VPS8: variants seen among roughly 807,000 people sequenced by gnomAD.
VPS8 encodes vacuolar protein sorting-associated protein 8 homolog.
Under a neutral mutation model 216.4 loss-of-function variants are expected in VPS8, and 129 were observed. The observed-to-expected ratio is 0.60, with a 90% CI of 0.52 to 0.69. The LOEUF is 0.69. VPS8 is among the 30% of genes least tolerant of loss of function. The pLI is 0.00. For missense variants in VPS8, 1,531 were observed against 1,683.5 expected (o/e 0.91, Z 1.59); for synonymous variants, 571 against 565.4 (o/e 1.01, Z -0.14).
chr3:185,021,831 A>C (rs112483587), intron 45 of VPS8, among the ~76,000 whole-genome samples: 1 of 152,194 alleles, frequency 6.6e-6, no homozygotes, highest in Non-Finnish European at 1.5e-5. Flanking sequence ...CCTATAGTAT[A>C]TATCATCTGT....
intron 25 of VPS8, among the ~76,000 whole-genome samples, chr3:184,912,159 C>G (rs1018921760): frequency 2.6e-5 from 4 of 152,106 alleles, no homozygotes; most frequent in Admixed American, 6.6e-5. Context: ...TCCTCGGGGC[C>G]GAGAGAATTT....
chr3:184,894,776 C>T lies in VPS8; in HGVS notation c.1855C>T (p.Leu619Phe). The change falls in exon 23 of 48, where the codon CTT becomes TTT. Residue 619 changes from leucine (L) to phenylalanine (F), a missense_variant. Coordinates refer to ENST00000625842, the MANE Select transcript of VPS8 (RefSeq NM_001009921.3). The part of the protein sequence containing the change: ...SVAKGVFLEC[L>F]EPYILSDKLV... ...GGCCAAAGGAGTATTTTTGGAGTGC[C>T]TTGAGCCATATATTTTAAGTGATAA... The T allele has an allele frequency of 1.2e-6, 2 of 1,609,716 alleles. No homozygotes were observed. The highest frequency in any genetic ancestry group is 1.1e-5 in the South Asian group (1 of 90,196).
chr3:185,021,211 G>A (rs78910666), intron 45 of VPS8, among the ~76,000 whole-genome samples: 1,983 of 152,282 alleles, frequency 0.013, 22 homozygotes, highest in Middle Eastern at 0.034. Context: ...CCCTAGCTTC[G>A]TATATCATCC....
At chr3:184,959,872 A>G (rs1272414769) in intron 37 of VPS8, among the ~76,000 whole-genome samples, 1 of 151,230 alleles carries the variant, frequency 6.6e-6, no homozygotes, top group Non-Finnish European at 1.5e-5. Flanking sequence ...AAGTTCTAGT[A>G]TACATGTGCA....
intron 36 of VPS8, chr3:184,944,516 A>T (rs897906685): frequency 2.0e-6 from 2 of 985,398 alleles, no homozygotes; most frequent in Non-Finnish European, 1.2e-6. Context: ...TGCAGTGGGG[A>T]TGCTTAAAGG....
chr3:184,860,219 C>T (rs1477081869), intron 15 of VPS8, among the ~76,000 whole-genome samples, 154 bp downstream of exon 15: 1 of 151,886 alleles, frequency 6.6e-6, no homozygotes, highest in Admixed American at 6.6e-5. Context: ...TGCCTGTAGT[C>T]CCAGCTACTT....
At chr3:184,836,940 T>TA (rs1721205162) in intron 5 of VPS8, among the ~76,000 whole-genome samples, 1 of 152,236 alleles carries the variant, frequency 6.6e-6, no homozygotes, top group African/African-American at 2.4e-5. Flanking sequence ...AACTTTTTTT[T>TA]AAGGATCTTT....
intron 25 of VPS8, among the ~76,000 whole-genome samples, chr3:184,904,822 T>A (rs2109012870): frequency 6.6e-6 from 1 of 152,338 alleles, no homozygotes; most frequent in Non-Finnish European, 1.5e-5. Flanking sequence ...TGAAGCCATA[T>A]GGGCCTGGGC....
chr3:184,982,923 A>G lies in VPS8; in HGVS notation c.3503-89A>G, dbSNP rs1750451193. On this transcript the variant is annotated intron_variant, in intron 41 of 47. Coordinates refer to ENST00000625842, the MANE Select transcript of VPS8 (RefSeq NM_001009921.3). ...GTTAGCTAAGTTTCTAAGAAGCTATATAAATGCACTGTTTTTCCACAGACT... is the reference window on the plus strand; with the variant it reads ...GTTAGCTAAGTTTCTAAGAAGCTATGTAAATGCACTGTTTTTCCACAGACT... The G allele has an allele frequency of 8.4e-6, 10 of 1,196,480 alleles. 1 individual carries two copies. The South Asian group carries it at 1.7e-4, about 20-fold the overall frequency. 74.1% of individuals were successfully genotyped at this position (1,196,480 alleles called of 1,614,324 possible).
intron 21 of VPS8, among the ~76,000 whole-genome samples, chr3:184,873,535 A>G (rs962579628): frequency 6.6e-6 from 1 of 152,164 alleles, no homozygotes; most frequent in Non-Finnish European, 1.5e-5. Flanking sequence ...GCCGAGGCAC[A>G]GAGAGGTTAA....
rs1036066347 is a variant in VPS8, at chr3:184,964,485, A to C, written c.3201A>C (p.Gln1067His). ...TTTCCTAGATTACTCAGAAGTATCA[A>C]CTTCATGAAGTCACCGCTTATCTAT... ...EETIQITQKY[Q>H]LHEVTAYLLE... Residue 1067 changes from glutamine to histidine, a missense_variant, in exon 38 of 48, where the codon CAA becomes CAC. Coordinates refer to ENST00000625842, the MANE Select transcript of VPS8 (RefSeq NM_001009921.3). The C allele has an allele frequency of 4.6e-6, 7 of 1,508,964 alleles. No homozygotes were observed. Among genetic ancestry groups the C allele is most frequent in the African/African-American group, 1.4e-5 (1 of 71,980 alleles). 93.5% of individuals were successfully genotyped at this position (1,508,964 alleles called of 1,614,324 possible). A position where few individuals can be genotyped will look rare whatever the true frequency, so the allele number is the denominator to read the frequency against.
intron 42 of VPS8, among the ~76,000 whole-genome samples, chr3:184,987,712 T>C (rs544434842): frequency 6.6e-6 from 1 of 152,206 alleles, no homozygotes; most frequent in African/African-American, 2.4e-5. Context: ...AGGCTTTTTG[T>C]GTGGACTTAA....
intron 36 of VPS8, among the ~76,000 whole-genome samples, chr3:184,952,886 A>G (rs1290898730): frequency 2.6e-5 from 4 of 152,224 alleles, no homozygotes; most frequent in African/African-American, 9.6e-5. Flanking sequence ...ACAGCAGAGG[A>G]GGAGCAAGAG....
At chr3:184,900,001 TAAGAG>T (rs1042248528) in intron 24 of VPS8, among the ~76,000 whole-genome samples, 2 of 152,258 alleles carry the variant, frequency 1.3e-5, no homozygotes, top group African/African-American at 2.4e-5. Context: ...AGGTCTGAAT[TAAGAG>T]AAGGTGTCCT....
intron 46 of VPS8, among the ~76,000 whole-genome samples, chr3:185,039,388 C>A (rs1271018481): frequency 1.3e-5 from 2 of 152,062 alleles, no homozygotes; most frequent in Non-Finnish European, 2.9e-5. Flanking sequence ...CCAGCATCTG[C>A]TTTCGGTGGG....
At chr3:184,983,734 G>A (rs993838073) in intron 42 of VPS8, among the ~76,000 whole-genome samples, 21 of 152,016 alleles carry the variant, frequency 1.4e-4, no homozygotes, top group Non-Finnish European at 2.8e-4. Context: ...AATCCATTTT[G>A]TCTATCCTCA....
chr3:184,891,807 G>A (rs904888623), intron 22 of VPS8, among the ~76,000 whole-genome samples: 1 of 152,066 alleles, frequency 6.6e-6, no homozygotes, highest in African/African-American at 2.4e-5. Context: ...TTTGGTTCTG[G>A]TTATATATTT....
Position 184,832,702 on chromosome 3 carries a change from A to T in VPS8, c.236A>T (p.Asp79Val), listed in dbSNP as rs1720259410. ...ESILNETDDEDESFILEDPTL... is the reference protein window; with the variant it reads ...ESILNETDDEVESFILEDPTL... ...CTTCCAATTTAGACTGATGATGAAGATGAGTCTTTTATTCTTGAGGATCCT... is the reference window on the plus strand; with the variant it reads ...CTTCCAATTTAGACTGATGATGAAGTTGAGTCTTTTATTCTTGAGGATCCT... Residue 79 changes from aspartate (D) to valine (V), a missense_variant, in exon 4 of 48, where the codon GAT (aspartate) becomes GTT (valine). By Grantham distance (152) the Asp-to-Val change is radical. Coordinates refer to ENST00000625842, the MANE Select transcript of VPS8 (RefSeq NM_001009921.3). The T allele has an allele frequency of 6.2e-7, 1 of 1,600,362 alleles. No individual in the cohort carries two copies. The highest frequency in any genetic ancestry group is 8.5e-7 in the Non-Finnish European group (1 of 1,172,368).
intron 17 of VPS8, among the ~76,000 whole-genome samples, chr3:184,867,776 G>T (rs1434607766): frequency 6.6e-6 from 1 of 152,198 alleles, no homozygotes; most frequent in African/African-American, 2.4e-5. Flanking sequence ...AACCCCGGAG[G>T]TGGAGGTTGC....
Sources: gnomAD v4.1 joint callset for allele counts (sites outside exome capture counted in the v4.1 genomes callset) on GRCh38, gnomAD v4.1.1 for gene constraint, MANE v1.5 for transcripts, NCBI Gene and HGNC (gene_info 2026-07-23, HGNC 2026-07-21) for gene names.